FRMD4B: variants seen among roughly 807,000 people sequenced by gnomAD.
FRMD4B encodes FERM domain-containing protein 4B.
A neutral mutation model predicts 141.5 loss-of-function variants in FRMD4B; 74 were observed. That is an observed-to-expected ratio of 0.52 (90% CI 0.43 to 0.63). The LOEUF (loss-of-function observed/expected upper bound fraction) is 0.63, where lower values mean the gene tolerates loss of function less well. Among genes scored for constraint, FRMD4B ranks in the 30% least tolerant of loss-of-function variants. FRMD4B has a pLI of 0.00. For missense variants in FRMD4B, 1,366 were observed against 1,253.4 expected (o/e 1.09, Z -1.36); for synonymous variants, 506 against 467.9 (o/e 1.08, Z -1.05).
chr3:69,406,027 A>G (rs1704643156), intron 2 of FRMD4B, among the ~76,000 whole-genome samples: 1 of 152,054 alleles, frequency 6.6e-6, no homozygotes, highest in Non-Finnish European at 1.5e-5. Context: ...TTTGTTTTTC[A>G]CCCAAAGAAT....
At chr3:69,405,680 G>A (rs967024476) in intron 2 of FRMD4B, among the ~76,000 whole-genome samples, 2 of 152,178 alleles carry the variant, frequency 1.3e-5, no homozygotes, top group Non-Finnish European at 2.9e-5. Flanking sequence ...TTGCTAAGCC[G>A]TGACGTTCTA....
intron 1 of FRMD4B, among the ~76,000 whole-genome samples, chr3:69,466,927 C>T (rs1359714108): frequency 6.6e-6 from 1 of 152,120 alleles, no homozygotes; most frequent in East Asian, 1.9e-4. Context: ...ATCTTGAACT[C>T]CTGGGCTCAA....
chr3:69,533,855 T>A (rs1012301176), intron 1 of FRMD4B, among the ~76,000 whole-genome samples: 1 of 152,192 alleles, frequency 6.6e-6, no homozygotes, highest in Admixed American at 6.5e-5. Flanking sequence ...TCACCTTCCA[T>A]GTTCATTCAC....
chr3:69,237,166 G>A (rs984912334), intron 7 of FRMD4B, among the ~76,000 whole-genome samples: 19 of 81,814 alleles, frequency 2.3e-4, no homozygotes, highest in African/African-American at 4.3e-4. Context: ...ACTGCAGGCC[G>A]GAGCACAAGA....
Position 69,311,255 on chromosome 3 carries a change from G to A in FRMD4B, c.323+8C>T, listed in dbSNP as rs762558411. On this transcript the variant is annotated splice_region_variant and intron_variant, in intron 3 of 22. Coordinates refer to ENST00000398540, the MANE Select transcript of FRMD4B (RefSeq NM_015123.3). ...AGGTAAAGAAACTAAAACTATTAAAGGACTTACGTGTCATCTATGAATGTT... is the reference window on the plus strand; with the variant it reads ...AGGTAAAGAAACTAAAACTATTAAAAGACTTACGTGTCATCTATGAATGTT... The A allele has an allele frequency of 7.6e-7, 1 of 1,323,606 alleles. No homozygotes were observed. The highest frequency in any genetic ancestry group is 1.7e-5 in the Admixed American group (1 of 57,828). 82.0% of individuals were successfully genotyped at this position (1,323,606 alleles called of 1,614,324 possible). A position where few individuals can be genotyped will look rare whatever the true frequency, so the allele number is the denominator to read the frequency against.
chr3:69,340,789 A>C (rs549933409), intron 1 of FRMD4B, among the ~76,000 whole-genome samples: 1 of 152,302 alleles, frequency 6.6e-6, no homozygotes. Flanking sequence ...TCTTTGTTGC[A>C]TCACTTTTCA....
intron 1 of FRMD4B, among the ~76,000 whole-genome samples, chr3:69,512,783 C>T (rs1349622772): frequency 1.3e-5 from 2 of 152,014 alleles, no homozygotes; most frequent in Admixed American, 6.6e-5. Flanking sequence ...GAGGAATGTT[C>T]CATCATTAAA....
chr3:69,251,550 C>T (rs1301835022), intron 5 of FRMD4B, among the ~76,000 whole-genome samples: 1 of 152,188 alleles, frequency 6.6e-6, no homozygotes, highest in East Asian at 1.9e-4. Context: ...ATTCATGTTT[C>T]CCTTATATTA....
chr3:69,280,844 C>G, intron 5 of FRMD4B, among the ~76,000 whole-genome samples: 1 of 152,030 alleles, frequency 6.6e-6, no homozygotes, highest in East Asian at 1.9e-4. Context: ...GTTTTGAACT[C>G]CTGAGTTCAA....
At position 69,193,809 on chromosome 3, in the gene FRMD4B, T is replaced by C; in HGVS notation, c.1553A>G (p.Lys518Arg). ...AAGGTCTGGCTCATTGGCAAGTTTC[T>C]TTGCAGCTTCCACCAGCTTTTGTTG... ...LIQQKLVEAA[K>R]KLANEPDLCK... Residue 518 changes from lysine to arginine, a missense_variant, in exon 17 of 23, where the codon AAG (lysine) becomes AGG (arginine). By Grantham distance (26) the Lys-to-Arg change is conservative. Coordinates refer to ENST00000398540, the MANE Select transcript of FRMD4B (RefSeq NM_015123.3). 6.2e-7 allele frequency: 1 copy of C among 1,613,956 alleles called. No homozygotes were observed. The highest frequency in any genetic ancestry group is 8.5e-7 in the Non-Finnish European group (1 of 1,179,812).
intron 1 of FRMD4B, among the ~76,000 whole-genome samples, chr3:69,456,603 C>G (rs898618414): frequency 5.3e-5 from 8 of 152,032 alleles, no homozygotes; most frequent in African/African-American, 1.9e-4. Flanking sequence ...CAGTAAACTC[C>G]AGGAAAGCAG....
intron 2 of FRMD4B, among the ~76,000 whole-genome samples, chr3:69,413,351 C>T (rs1350946105): frequency 1.3e-5 from 2 of 152,272 alleles, no homozygotes; most frequent in South Asian, 2.1e-4. Context: ...GTAGTGATTT[C>T]CTCAAGGTCA....
At position 69,181,172 on chromosome 3, in the gene FRMD4B, C is replaced by G. The variant is rs750542052; in HGVS notation, c.2578G>C (p.Asp860His). Residue 860 changes from aspartate (D) to histidine (H), a missense_variant, in exon 21 of 23, where the codon GAT becomes CAT. Physicochemically the swap from Asp to His is moderately conservative, Grantham distance 81 (BLOSUM62 -1). Transcript: ENST00000398540. Reference sequence around the variant, plus strand: ...TTATGGGGTACCCGGTCGACCTCATCTTCGTGAAAGGATCTGCTGTAGTCC... The same window carrying G: ...TTATGGGGTACCCGGTCGACCTCATGTTCGTGAAAGGATCTGCTGTAGTCC... ...QRDYSRSFHE[D>H]EVDRVPHNPY... 3.0e-5 allele frequency: 49 copies of G among 1,614,030 alleles called. No individual in the cohort carries two copies. Among genetic ancestry groups the G allele is most frequent in the Non-Finnish European group, 3.8e-5 (45 of 1,179,906 alleles).
chr3:69,526,822 C>T (rs1700937631), intron 1 of FRMD4B, among the ~76,000 whole-genome samples: 1 of 152,108 alleles, frequency 6.6e-6, no homozygotes. Flanking sequence ...CTGACTTGCA[C>T]AAGGTTAAAA....
intron 1 of FRMD4B, among the ~76,000 whole-genome samples, chr3:69,537,000 G>A (rs1018901769): frequency 1.1e-4 from 16 of 152,104 alleles, no homozygotes; most frequent in African/African-American, 3.6e-4. Context: ...CTCCTGCCCT[G>A]GCCTCCCAAA....
rs192984298 is a variant in FRMD4B, at chr3:69,181,073, C to A, written c.2677G>T (p.Ala893Ser). Residue 893 changes from alanine to serine, a missense_variant, in exon 21 of 23, where the codon GCC becomes TCC. Ala to Ser is a moderately conservative substitution (Grantham distance 99, BLOSUM62 1). Transcript: ENST00000398540. ...CCACGCAAGTGCTCGGCAACTAAGG[C>A]CTTGTGGATGTTTTTGGTGATGTGC... is the stretch of plus-strand genomic sequence containing the variant. The part of the protein sequence containing the change: ...SEHITKNIHK[A>S]LVAEHLRGWY... 1.7e-3 allele frequency: 2,728 copies of A among 1,613,968 alleles called. 6 individuals carry two copies. The highest frequency in any genetic ancestry group is 2.0e-3 in the Non-Finnish European group (2,330 of 1,179,890).
intron 1 of FRMD4B, among the ~76,000 whole-genome samples, chr3:69,483,778 A>G (rs1412059326): frequency 6.6e-6 from 1 of 152,246 alleles, no homozygotes; most frequent in East Asian, 1.9e-4. Flanking sequence ...CAACAGAAAT[A>G]AAATGGAAGA....
At chr3:69,203,435 TGA>T (rs1318572350) in intron 11 of FRMD4B, among the ~76,000 whole-genome samples, 2 of 152,116 alleles carry the variant, frequency 1.3e-5, no homozygotes, top group East Asian at 3.8e-4. Context: ...TCAGTAGCTT[TGA>T]GAGTCATTTA....
chr3:69,538,119 A>G (rs1037390394), intron 1 of FRMD4B, among the ~76,000 whole-genome samples: 5 of 152,232 alleles, frequency 3.3e-5, no homozygotes, highest in Non-Finnish European at 5.9e-5. Context: ...TGTGTAAACG[A>G]GCAAGTGCTA....
Sources: allele counts gnomAD v4.1 joint callset (sites outside exome capture counted in the v4.1 genomes callset), GRCh38; gene constraint gnomAD v4.1.1; transcripts MANE v1.5; gene names NCBI Gene and HGNC (gene_info 2026-07-23, HGNC 2026-07-21).